IL12RB1: variants seen among roughly 807,000 people sequenced by gnomAD.
The protein encoded by IL12RB1 is interleukin-12 receptor subunit beta-1.
Under a neutral mutation model 94.4 loss-of-function variants are expected in IL12RB1, and 64 were observed. The ratio of observed to expected loss-of-function variants is 0.68; its 90% CI spans 0.55 to 0.83. The LOEUF is 0.83. IL12RB1 is among the 40% of genes least tolerant of loss of function. IL12RB1 has a pLI of 0.00. For synonymous variants in IL12RB1, 362 were observed against 355.5 expected, an observed-to-expected ratio of 1.02 and a Z score of -0.21; for missense variants, 814 against 855.6, an observed-to-expected ratio of 0.95 and a Z score of 0.61.
chr19:18,062,708 GTTGCAGTGAGCCGAGATCGCATCA>G (rs139448596), intron 13 of IL12RB1, among the ~76,000 whole-genome samples: 41,956 of 151,614 alleles, frequency 0.28, 7,352 homozygotes, highest in Non-Finnish European at 0.39. Flanking sequence ...GGAGGCGGAG[GTTGCAGTGAGCCGAGATCGCATCA>G]TTGCATTCCA....
chr19:18,089,857 G>T (rs867366785), upstream of IL12RB1, among the ~76,000 whole-genome samples: 3 of 152,316 alleles, frequency 2.0e-5, no homozygotes, highest in African/African-American at 7.2e-5. Context: ...AGCTGGCCAG[G>T]GTCAGGCGCC....
intron 1 of IL12RB1, among the ~76,000 whole-genome samples, chr19:18,094,433 CATT>C (rs2036790224): frequency 6.6e-6 from 1 of 152,132 alleles, no homozygotes; most frequent in Non-Finnish European, 1.5e-5. Context: ...ACGGCCAACA[CATT>C]GTTGTTTAAT....
chr19:18,088,630 C>A (rs181456725), upstream of IL12RB1, among the ~76,000 whole-genome samples: 14 of 151,874 alleles, frequency 9.2e-5, no homozygotes, highest in Middle Eastern at 3.4e-3. Context: ...CATTTCTTAG[C>A]CTCTGAGTAT....
At chr19:18,066,417 T>C (rs1426965277) in intron 12 of IL12RB1, 125 bp downstream of exon 12, 2 of 671,194 alleles carry the variant, frequency 3.0e-6, no homozygotes, top group Non-Finnish European at 5.3e-6. Flanking sequence ...AATTCTCTTG[T>C]TTTAAGGGTT....
At chr19:18,063,495 C>G (rs949998922) in intron 13 of IL12RB1, among the ~76,000 whole-genome samples, 2 of 152,074 alleles carry the variant, frequency 1.3e-5, no homozygotes, top group Non-Finnish European at 2.9e-5. Flanking sequence ...GATACCTTGA[C>G]ACATCTACCC....
intron 1 of IL12RB1, among the ~76,000 whole-genome samples, chr19:18,094,784 A>T (rs1304365924): frequency 2.0e-5 from 3 of 152,150 alleles, no homozygotes; most frequent in Non-Finnish European, 4.4e-5. Flanking sequence ...CGAAAGAGCA[A>T]GACCCTGTCC....
chr19:18,082,931 A>G (rs1035084250), intron 2 of IL12RB1, among the ~76,000 whole-genome samples: 1 of 151,954 alleles, frequency 6.6e-6, no homozygotes, highest in Non-Finnish European at 1.5e-5. Flanking sequence ...AAAAATACAA[A>G]AATTAGCCGG....
At chr19:18,085,613 A>T (rs2036275351) in intron 1 of IL12RB1, among the ~76,000 whole-genome samples, 1 of 151,560 alleles carries the variant, frequency 6.6e-6, no homozygotes, top group African/African-American at 2.4e-5. Flanking sequence ...AAGTTTATTT[A>T]TTATTATTAT....
At chr19:18,077,736 G>A in intron 4 of IL12RB1, 81 bp from the exon 5 acceptor site, 1 of 852,716 alleles carries the variant, frequency 1.2e-6, no homozygotes, top group Non-Finnish European at 2.0e-6. Flanking sequence ...CCCTGTCCAG[G>A]GTAAGCAACT....
chr19:18,068,466 GT>G lies in IL12RB1; in HGVS notation c.1249del (p.Thr417ProfsTer38). The G allele has an allele frequency of 6.2e-7, 1 of 1,611,184 alleles. No individual in the cohort carries two copies. The highest frequency in any genetic ancestry group is 1.1e-5 in the South Asian group (1 of 90,956). ...AMGQEKCYYI[T>X]IFASAHPEKL... ...CTCGGGGTGCGCAGAGGCAAAGATGGTAATGTAGTAACACTTTTCCTGCCCC... is the reference window on the plus strand; with the variant it reads ...CTCGGGGTGCGCAGAGGCAAAGATGGAATGTAGTAACACTTTTCCTGCCCC... On this transcript the variant is annotated frameshift_variant, in exon 11 of 17. Transcript: ENST00000593993. LOFTEE classifies it high-confidence loss of function.
At chr19:18,069,313 T>C (rs1473463025) in intron 10 of IL12RB1, among the ~76,000 whole-genome samples, 2 of 152,220 alleles carry the variant, frequency 1.3e-5, no homozygotes, top group Admixed American at 1.3e-4. Context: ...TACCTGTATG[T>C]GTGTGATCTG....
chr19:18,069,517 G>T, intron 10 of IL12RB1, 29 bp downstream of exon 10: 1 of 1,578,104 alleles, frequency 6.3e-7, no homozygotes, highest in East Asian at 2.3e-5. Flanking sequence ...ACAGAGGAGG[G>T]GTAGGCGCAG....
Position 18,077,624 on chromosome 19 carries a change from CT to C in IL12RB1, c.440del (p.Lys147ArgfsTer56). Reference protein sequence around the residue: ...VKYEPPLGDIKVSKLAGQLRM... With the variant: ...VKYEPPLGDIXVSKLAGQLRM... ...GCAGCTGCCCGGCCAACTTGGACAC[CT>C]TGATGTCTCCCAGAGGAGGCTCATA... On this transcript the variant is annotated frameshift_variant, in exon 5 of 17. Transcript: ENST00000593993. LOFTEE classifies it high-confidence loss of function. 1 of 1,594,146 alleles carries C rather than the reference CT, an allele frequency of 6.3e-7. No homozygotes were observed. The highest frequency in any genetic ancestry group is 8.6e-7 in the Non-Finnish European group (1 of 1,161,818).
chr19:18,095,790 C>A (rs1456617253), intron 1 of IL12RB1, among the ~76,000 whole-genome samples: 2 of 152,236 alleles, frequency 1.3e-5, no homozygotes, highest in African/African-American at 4.8e-5. Flanking sequence ...TTCTACAGTA[C>A]CTCATGGACA....
At chr19:18,090,234 T>C (rs1416899949), upstream of IL12RB1, among the ~76,000 whole-genome samples, 1 of 152,074 alleles carries the variant, frequency 6.6e-6, no homozygotes, top group Non-Finnish European at 1.5e-5. Context: ...CAGGTGCCTG[T>C]AGTCCCAGCT....
At chr19:18,096,049 C>T (rs1362782564) in intron 1 of IL12RB1, among the ~76,000 whole-genome samples, 1 of 151,854 alleles carries the variant, frequency 6.6e-6, no homozygotes, top group African/African-American at 2.4e-5. Flanking sequence ...CATGGCGGTA[C>T]TCCATCTCTA....
intron 11 of IL12RB1, 135 bp from the exon 12 acceptor site, chr19:18,066,832 G>A: frequency 1.5e-6 from 1 of 670,248 alleles, no homozygotes; most frequent in Non-Finnish European, 2.7e-6. Context: ...TTCAAGACCA[G>A]CCTGGCCAAC....
At chr19:18,082,036 G>C (rs943117935) in intron 3 of IL12RB1, 114 bp downstream of exon 3, 1 of 722,390 alleles carries the variant, frequency 1.4e-6, no homozygotes, top group African/African-American at 1.7e-5. Context: ...CTGAAGCCCA[G>C]GAAGGAGTGT....
At chr19:18,071,385 CT>C in intron 9 of IL12RB1, 1 of 974,380 alleles carries the variant, frequency 1.0e-6, no homozygotes, top group Non-Finnish European at 1.4e-6. Flanking sequence ...AGGGTCAACT[CT>C]AGCCTTTTTT....
Sources: allele counts gnomAD v4.1 joint callset (sites outside exome capture counted in the v4.1 genomes callset), GRCh38; gene constraint gnomAD v4.1.1; transcripts MANE v1.5; gene names NCBI Gene and HGNC (gene_info 2026-07-23, HGNC 2026-07-21).